The following SOX6 variants were observed in gnomAD, a reference collection of about 807,000 sequenced individuals.
SOX6 encodes SRY-box transcription factor 6, also known as transcription factor SOX-6.
SOX6 carries 11 observed loss-of-function variants against 97.8 expected under a neutral mutation model. The observed-to-expected ratio is 0.11, with a 90% CI of 0.07 to 0.19. SOX6 has a LOEUF of 0.19. Among genes scored for constraint, SOX6 ranks in the 10% least tolerant of loss-of-function variants. SOX6 has a pLI of 1.00. For missense variants in SOX6, 810 were observed against 1,039.5 expected (o/e 0.78, Z 3.04); for synonymous variants, 360 against 371.4 (o/e 0.97, Z 0.35).
chr11:16,301,172 A>G (rs2134273649), intron 3 of SOX6, among the ~76,000 whole-genome samples: 1 of 152,322 alleles, frequency 6.6e-6, no homozygotes, highest in African/African-American at 2.4e-5. Context: ...TTAAAGAAAG[A>G]ATAATAAAAT....
At chr11:16,283,089 G>A (rs1161734981) in intron 3 of SOX6, among the ~76,000 whole-genome samples, 16 of 113,690 alleles carry the variant, frequency 1.4e-4, no homozygotes, top group East Asian at 2.4e-4. Flanking sequence ...TATATAATTT[G>A]TATATATATA....
chr11:16,534,816 T>A (rs1243291370), intron 4 of SOX6, among the ~76,000 whole-genome samples: 1 of 152,172 alleles, frequency 6.6e-6, no homozygotes, highest in East Asian at 1.9e-4. Flanking sequence ...AAAAGCTTCG[T>A]CCATCACATC....
At chr11:16,147,929 C>A (rs960849705) in intron 6 of SOX6, among the ~76,000 whole-genome samples, 3 of 152,164 alleles carry the variant, frequency 2.0e-5, no homozygotes, top group Admixed American at 6.6e-5. Context: ...TTACCATGAA[C>A]CTCTTGGTCT....
chr11:16,415,472 A>C (rs1233621462), intron 1 of SOX6, among the ~76,000 whole-genome samples: 1 of 152,174 alleles, frequency 6.6e-6, no homozygotes, highest in African/African-American at 2.4e-5. Flanking sequence ...AGAATACTAC[A>C]TAGGAGAATC....
upstream of SOX6, among the ~76,000 whole-genome samples, chr11:16,358,010 C>T (rs1039374174): frequency 2.6e-5 from 4 of 152,112 alleles, no homozygotes; most frequent in African/African-American, 9.7e-5. Context: ...CAAGAAAGAT[C>T]GTGGCTTTTG....
At chr11:16,711,169 A>T (rs142730384) in intron 3 of SOX6, among the ~76,000 whole-genome samples, 1 of 152,256 alleles carries the variant, frequency 6.6e-6, no homozygotes, top group East Asian at 1.9e-4. Context: ...CCTCCAATCC[A>T]TTCTCCATAC....
intron 10 of SOX6, among the ~76,000 whole-genome samples, chr11:16,055,530 G>T (rs904904472): frequency 3.1e-4 from 47 of 152,138 alleles, no homozygotes; most frequent in Admixed American, 2.9e-3. Context: ...CTCGAGAAGT[G>T]AGTTTGCAGA....
At chr11:16,585,815 T>G (rs1049294687) in intron 4 of SOX6, among the ~76,000 whole-genome samples, 1 of 151,470 alleles carries the variant, frequency 6.6e-6, no homozygotes, top group African/African-American at 2.4e-5. Flanking sequence ...CCAGAATAGC[T>G]GGAACTACAG....
intron 3 of SOX6, among the ~76,000 whole-genome samples, chr11:16,614,318 A>C (rs1848441591): frequency 6.6e-6 from 1 of 152,030 alleles, no homozygotes; most frequent in South Asian, 2.1e-4. Flanking sequence ...ACAGTAGACA[A>C]AGGGACTCAG....
At chr11:16,620,008 T>C (rs1590013971) in intron 3 of SOX6, among the ~76,000 whole-genome samples, 1 of 152,158 alleles carries the variant, frequency 6.6e-6, no homozygotes, top group Admixed American at 6.6e-5. Context: ...GCATTACAAT[T>C]TATATAAAGA....
chr11:16,435,752 TG>T (rs1351120561), intron 1 of SOX6, among the ~76,000 whole-genome samples: 1 of 151,326 alleles, frequency 6.6e-6, no homozygotes, highest in Non-Finnish European at 1.5e-5. Flanking sequence ...TATTTCAAAT[TG>T]GGAAAAAAAA....
At chr11:16,175,006 A>G (rs1176766864) in intron 6 of SOX6, among the ~76,000 whole-genome samples, 1 of 151,832 alleles carries the variant, frequency 6.6e-6, no homozygotes, top group Non-Finnish European at 1.5e-5. Flanking sequence ...GACAAACCTT[A>G]CTCTCACTCA....
At chr11:16,699,778 T>C (rs1228153294) in intron 3 of SOX6, among the ~76,000 whole-genome samples, 3 of 152,196 alleles carry the variant, frequency 2.0e-5, no homozygotes, top group African/African-American at 7.2e-5. Context: ...CTGCTTTAAC[T>C]GCTATAATTG....
At chr11:16,044,317 A>G (rs1855762852) in intron 12 of SOX6, among the ~76,000 whole-genome samples, 2 of 152,220 alleles carry the variant, frequency 1.3e-5, no homozygotes, top group African/African-American at 4.8e-5. Flanking sequence ...CTACAACTGT[A>G]TTATGAGCTA....
At chr11:16,422,224 A>G (rs1470536308) in intron 1 of SOX6, among the ~76,000 whole-genome samples, 1 of 152,226 alleles carries the variant, frequency 6.6e-6, no homozygotes, top group Admixed American at 6.5e-5. Context: ...CAGGAAAAAA[A>G]GACATCCACT....
At chr11:16,187,625 A>G (rs1201879662) in intron 4 of SOX6, among the ~76,000 whole-genome samples, 1 of 152,000 alleles carries the variant, frequency 6.6e-6, no homozygotes, top group Non-Finnish European at 1.5e-5. Context: ...GGGCTCTATC[A>G]CCCCTTTGTC....
At chr11:16,120,095 C>T (rs1849450075) in intron 6 of SOX6, among the ~76,000 whole-genome samples, 1 of 151,638 alleles carries the variant, frequency 6.6e-6, no homozygotes, top group Non-Finnish European at 1.5e-5. Context: ...TTGTTATTGG[C>T]AGGTTATTCT....
At chr11:16,221,547 C>A (rs1852537996) in intron 4 of SOX6, among the ~76,000 whole-genome samples, 1 of 152,062 alleles carries the variant, frequency 6.6e-6, no homozygotes, top group East Asian at 1.9e-4. Flanking sequence ...TACAGCAACA[C>A]TTTCATTTGA....
intron 4 of SOX6, among the ~76,000 whole-genome samples, chr11:16,197,114 G>A (rs185665747): frequency 1.3e-5 from 2 of 152,022 alleles, no homozygotes; most frequent in Non-Finnish European, 1.5e-5. Flanking sequence ...GATTACAGGC[G>A]GGAGCCACCA....
Sources: allele counts gnomAD v4.1 joint callset (sites outside exome capture counted in the v4.1 genomes callset), GRCh38; gene constraint gnomAD v4.1.1; transcripts MANE v1.5; gene names NCBI Gene and HGNC (gene_info 2026-07-23, HGNC 2026-07-21).